The following CAMTA1 variants were observed in gnomAD, a reference collection of about 807,000 sequenced individuals.
The protein encoded by CAMTA1 is calmodulin binding transcription activator 1, also known as calmodulin-binding transcription activator 1.
In CAMTA1, 27 loss-of-function variants were observed where a neutral mutation model predicts 170.9. The ratio of observed to expected loss-of-function variants is 0.16; its 90% CI spans 0.12 to 0.22. The LOEUF (loss-of-function observed/expected upper bound fraction) is 0.22. CAMTA1 is among the 10% of genes least tolerant of loss of function. The probability of loss-of-function intolerance (pLI) is 1.00; values close to 1 mark genes in which losing one functional copy is unlikely to be tolerated. For missense variants in CAMTA1, 1,619 were observed against 2,217.2 expected (o/e 0.73, Z 5.42); for synonymous variants, 833 against 891.5 (o/e 0.93, Z 1.17).
chr1:7,526,903 C>T (rs1021172589), intron 6 of CAMTA1, among the ~76,000 whole-genome samples: 2 of 152,220 alleles, frequency 1.3e-5, no homozygotes, highest in Non-Finnish European at 2.9e-5. Flanking sequence ...ATTTGTGTCT[C>T]TGGGCATTAA....
At chr1:7,243,107 G>A (rs2149268958) in intron 4 of CAMTA1, among the ~76,000 whole-genome samples, 1 of 152,266 alleles carries the variant, frequency 6.6e-6, no homozygotes, top group African/African-American at 2.4e-5. Context: ...GCTTGTCTCT[G>A]CATGTGTAAA....
chr1:6,792,751 T>C (rs1026082446), intron 1 of CAMTA1, among the ~76,000 whole-genome samples: 5 of 152,196 alleles, frequency 3.3e-5, no homozygotes, highest in African/African-American at 1.2e-4. Flanking sequence ...TTCTTGTTTT[T>C]GTTTTTCAAA....
At chr1:7,227,706 G>T (rs1661975381) in intron 4 of CAMTA1, among the ~76,000 whole-genome samples, 1 of 152,200 alleles carries the variant, frequency 6.6e-6, no homozygotes, top group East Asian at 1.9e-4. Context: ...TTCCTAAAAT[G>T]GGGGTAATGA....
intron 3 of CAMTA1, among the ~76,000 whole-genome samples, chr1:6,882,947 A>G (rs1672020248): frequency 6.6e-6 from 1 of 152,188 alleles, no homozygotes; most frequent in Non-Finnish European, 1.5e-5. Context: ...TTTTTGAGAC[A>G]GAATGTCCCT....
chr1:7,452,525 C>G (rs770309153), intron 5 of CAMTA1, among the ~76,000 whole-genome samples: 3 of 152,218 alleles, frequency 2.0e-5, no homozygotes, highest in Non-Finnish European at 4.4e-5. Flanking sequence ...AGCCGTTCCC[C>G]CTTCTTCCCT....
At chr1:7,302,932 A>G (rs12410983) in intron 5 of CAMTA1, among the ~76,000 whole-genome samples, 12,394 of 152,238 alleles carry the variant, frequency 0.081, 668 homozygotes, top group East Asian at 0.13. Context: ...ATGACAGTGC[A>G]GTGTGATGAG....
chr1:7,585,000 T>G (rs1021203302), intron 6 of CAMTA1, among the ~76,000 whole-genome samples: 16 of 152,198 alleles, frequency 1.1e-4, no homozygotes, highest in African/African-American at 3.9e-4. Flanking sequence ...AGACCATATA[T>G]TATGTAATGT....
At chr1:7,488,850 C>CACAT (rs1291870435) in intron 6 of CAMTA1, among the ~76,000 whole-genome samples, 4 of 152,126 alleles carry the variant, frequency 2.6e-5, no homozygotes, top group African/African-American at 7.2e-5. Context: ...ACATGATATA[C>CACAT]ACATACATAT....
At chr1:7,303,636 G>A (rs1336465339) in intron 5 of CAMTA1, among the ~76,000 whole-genome samples, 2 of 152,194 alleles carry the variant, frequency 1.3e-5, no homozygotes, top group African/African-American at 4.8e-5. Flanking sequence ...TGCTGGAGCT[G>A]TCCTAGCCCT....
chr1:6,840,941 A>G (rs1337003008), intron 3 of CAMTA1, among the ~76,000 whole-genome samples: 3 of 152,200 alleles, frequency 2.0e-5, no homozygotes, highest in Non-Finnish European at 4.4e-5. Flanking sequence ...CAGATTTCTT[A>G]ACTGTTCTGT....
At chr1:7,310,664 TTTCTTTCC>T (rs1676448622) in intron 5 of CAMTA1, among the ~76,000 whole-genome samples, 2 of 37,990 alleles carry the variant, frequency 5.3e-5, no homozygotes, top group African/African-American at 3.1e-4. Context: ...TCTTTCTTTC[TTTCTTTCC>T]TTTCTTTCTC....
intron 5 of CAMTA1, among the ~76,000 whole-genome samples, chr1:7,414,143 G>T (rs2090988885): frequency 6.6e-6 from 1 of 152,204 alleles, no homozygotes; most frequent in South Asian, 2.1e-4. Flanking sequence ...TTGATGTGCT[G>T]CTGGATTCGG....
At chr1:7,198,379 C>T (rs761972028) in intron 4 of CAMTA1, among the ~76,000 whole-genome samples, 9 of 151,994 alleles carry the variant, frequency 5.9e-5, no homozygotes, top group Non-Finnish European at 1.3e-4. Context: ...TCTGGAATCA[C>T]GTGGTGTGAG....
chr1:7,120,876 A>G (rs1399401938), intron 4 of CAMTA1, among the ~76,000 whole-genome samples: 2 of 152,192 alleles, frequency 1.3e-5, no homozygotes, highest in Non-Finnish European at 2.9e-5. Context: ...TGGAATTAAA[A>G]TCTCAGAGCC....
chr1:7,059,631 A>C (rs879940810), intron 3 of CAMTA1, among the ~76,000 whole-genome samples: 5 of 152,048 alleles, frequency 3.3e-5, no homozygotes, highest in Non-Finnish European at 5.9e-5. Flanking sequence ...AAACAAAACA[A>C]AAAAAATGAA....
intron 3 of CAMTA1, among the ~76,000 whole-genome samples, chr1:6,910,524 G>A (rs545696999): frequency 6.6e-6 from 1 of 152,174 alleles, no homozygotes; most frequent in Non-Finnish European, 1.5e-5. Context: ...GGTGGGGAGG[G>A]AAATGCTGGT....
At chr1:7,427,261 T>C (rs921327329) in intron 5 of CAMTA1, among the ~76,000 whole-genome samples, 12 of 152,222 alleles carry the variant, frequency 7.9e-5, no homozygotes, top group African/African-American at 2.9e-4. Flanking sequence ...TCCGTTCCTA[T>C]TTGTACATTG....
At chr1:6,900,484 A>G (rs1676691138) in intron 3 of CAMTA1, among the ~76,000 whole-genome samples, 1 of 152,210 alleles carries the variant, frequency 6.6e-6, no homozygotes, top group Non-Finnish European at 1.5e-5. Flanking sequence ...TAGACAGTCA[A>G]ATTAATCTAA....
rs1681312720 is a variant in CAMTA1 at position 6,918,508 on chromosome 1, T to A, written c.234+93298T>A. On this transcript the variant is annotated intron_variant, in intron 3 of 22. Coordinates refer to ENST00000303635, the MANE Select transcript of CAMTA1 (RefSeq NM_015215.4). The surrounding 1 kb of genome is among the most constrained non-coding windows in gnomAD (Gnocchi z 4.0). ...AATGTCTCCCAATTGCATATAAATG[T>A]CTCGGCTTTACTGTACTATTTGTGC... Among the ~76,000 whole-genome samples the A allele has an allele frequency of 6.6e-6, 1 of 152,232 alleles. No individual in the cohort carries two copies. The highest frequency in any genetic ancestry group is 2.4e-5 in the African/African-American group (1 of 41,460).
Sources: allele counts gnomAD v4.1 joint callset (sites outside exome capture counted in the v4.1 genomes callset), GRCh38; gene constraint gnomAD v4.1.1; non-coding constraint Gnocchi (gnomAD v3.1); transcripts MANE v1.5; gene names NCBI Gene and HGNC (gene_info 2026-07-23, HGNC 2026-07-21).